Variants in CYFIP1 observed in about 807,000 individuals in gnomAD.
CYFIP1 encodes the protein cytoplasmic FMR1 interacting protein 1.
Under a neutral mutation model 163.5 loss-of-function variants are expected in CYFIP1, and 58 were observed. That is an observed-to-expected ratio of 0.35 (90% CI 0.29 to 0.44). The LOEUF (loss-of-function observed/expected upper bound fraction) is 0.44, where lower values mean the gene tolerates loss of function less well. Among genes scored for constraint, CYFIP1 ranks in the 20% least tolerant of loss-of-function variants. CYFIP1 has a pLI of 1.00. For synonymous variants in CYFIP1, 663 were observed against 660.7 expected, an observed-to-expected ratio of 1.00 and a Z score of -0.05; for missense variants, 1,338 against 1,653.8, an observed-to-expected ratio of 0.81 and a Z score of 3.31.
At chr15:22,949,979 A>G (rs961666016) in intron 1 of CYFIP1, among the ~76,000 whole-genome samples, 2 of 152,168 alleles carry the variant, frequency 1.3e-5, no homozygotes, top group African/African-American at 4.8e-5. Context: ...AAAAAGAAAA[A>G]TTAACATACT....
intron 1 of CYFIP1, among the ~76,000 whole-genome samples, chr15:22,955,998 G>A (rs1215470911): frequency 6.6e-6 from 1 of 152,154 alleles, no homozygotes; most frequent in Non-Finnish European, 1.5e-5. Flanking sequence ...CTTGAGGTCA[G>A]GAGTTTGAGA....
At chr15:22,977,017 C>T (rs549506104) in intron 1 of CYFIP1, among the ~76,000 whole-genome samples, 2 of 152,098 alleles carry the variant, frequency 1.3e-5, no homozygotes, top group Admixed American at 6.5e-5. Flanking sequence ...CTGACCAACA[C>T]GGAGAAACCC....
At chr15:22,942,888 T>C (rs1030550116) in intron 6 of CYFIP1, among the ~76,000 whole-genome samples, 1 of 152,196 alleles carries the variant, frequency 6.6e-6, no homozygotes, top group African/African-American at 2.4e-5. Context: ...ATCTTGTGCA[T>C]GTCTGTCTTC....
intron 23 of CYFIP1, among the ~76,000 whole-genome samples, chr15:22,886,229 G>A (rs1595517231): frequency 6.6e-6 from 1 of 152,236 alleles, no homozygotes; most frequent in Non-Finnish European, 1.5e-5. Flanking sequence ...TGGGGGTTAT[G>A]AGGATTACAA....
In CYFIP1 at chr15:22,932,220, C is replaced by T; in HGVS notation, c.1110+3G>A. The T allele has an allele frequency of 6.2e-7, 1 of 1,607,944 alleles. No individual in the cohort carries two copies. Among genetic ancestry groups the T allele is most frequent in the Non-Finnish European group, 8.5e-7 (1 of 1,176,688 alleles). ...CTGTGCAGCTCCAGGTCGCGGGGCGCACCTCGCTGTTGCTGTAGCGCGCCA... is the reference window on the plus strand; with the variant it reads ...CTGTGCAGCTCCAGGTCGCGGGGCGTACCTCGCTGTTGCTGTAGCGCGCCA... On this transcript the variant is annotated splice_donor_region_variant and intron_variant, in intron 11 of 30. Transcript: ENST00000617928.
chr15:22,934,885 G>A (rs1023685791), intron 9 of CYFIP1, among the ~76,000 whole-genome samples: 1 of 151,844 alleles, frequency 6.6e-6, no homozygotes, highest in African/African-American at 2.4e-5. Flanking sequence ...AAATGCATCA[G>A]TAAATCTAAC....
At chr15:22,952,779 G>C (rs2062302523) in intron 1 of CYFIP1, among the ~76,000 whole-genome samples, 1 of 148,060 alleles carries the variant, frequency 6.8e-6, no homozygotes, top group Non-Finnish European at 1.5e-5. Context: ...AAAGGAAAAA[G>C]AAAACCTATC....
chr15:22,892,499 C>T (rs1021026442), intron 23 of CYFIP1, among the ~76,000 whole-genome samples: 1 of 152,144 alleles, frequency 6.6e-6, no homozygotes, highest in Admixed American at 6.5e-5. Flanking sequence ...TTACAGCCAC[C>T]CTGGGCCTCC....
At chr15:22,930,206 A>C (rs1265557812) in intron 11 of CYFIP1, among the ~76,000 whole-genome samples, 5 of 150,256 alleles carry the variant, frequency 3.3e-5, no homozygotes, top group Non-Finnish European at 7.4e-5. Flanking sequence ...CACAAAAAAC[A>C]CACACAAAAA....
At chr15:22,880,085 G>C in intron 25 of CYFIP1, 42 bp from the exon 26 acceptor site, 1 of 1,611,118 alleles carries the variant, frequency 6.2e-7, no homozygotes, top group Non-Finnish European at 8.5e-7. Flanking sequence ...GACTGGAGGG[G>C]GCCGGGCCCT....
At chr15:22,926,235 C>T (rs1181409115) in intron 12 of CYFIP1, 128 bp from the exon 13 acceptor site, 1 of 1,342,420 alleles carries the variant, frequency 7.4e-7, no homozygotes, top group East Asian at 2.3e-5. Flanking sequence ...GAAAGTCACA[C>T]ATGAGGGCGC....
intron 24 of CYFIP1, among the ~76,000 whole-genome samples, chr15:22,882,312 T>C (rs1465026219): frequency 6.6e-6 from 1 of 152,208 alleles, no homozygotes; most frequent in African/African-American, 2.4e-5. Flanking sequence ...CAGGCTCAGC[T>C]GTGGTGAGGT....
rs143543469 is a variant in CYFIP1 at position 22,957,552 on chromosome 15, C to T, written c.-6-10261G>A. Among the ~76,000 whole-genome samples the T allele has an allele frequency of 5.4e-3, 818 of 152,266 alleles. 40 individuals carry two copies. In the East Asian group the frequency reaches 0.12, roughly 23 times the overall value. On this transcript the variant is annotated intron_variant, in intron 1 of 30. Transcript: ENST00000617928. ...TAGGGAGGCTGAGGCAGGAGAATGG[C>T]GTGAACCCAGGAGGCGGAGCTTGCA... is the stretch of plus-strand genomic sequence containing the variant.
intron 21 of CYFIP1, 169 bp from the exon 22 acceptor site, chr15:22,904,074 C>G (rs2142016546): frequency 1.6e-6 from 1 of 644,272 alleles, no homozygotes; most frequent in Non-Finnish European, 2.7e-6. Context: ...TCTTGGCACC[C>G]CACCTTTTCA....
chr15:22,928,252 G>A (rs938176295), intron 11 of CYFIP1, among the ~76,000 whole-genome samples: 5 of 152,110 alleles, frequency 3.3e-5, no homozygotes, highest in Admixed American at 6.5e-5. Context: ...GCATGGTGGC[G>A]GGCACCTGTA....
chr15:22,872,266 G>C (rs1354795320), intron 30 of CYFIP1, among the ~76,000 whole-genome samples: 3 of 141,744 alleles, frequency 2.1e-5, no homozygotes, highest in African/African-American at 2.6e-5. Context: ...TTGCACCCCA[G>C]CCTGAGCAAC....
chr15:22,907,083 C>A (rs1215900225), intron 21 of CYFIP1, among the ~76,000 whole-genome samples: 1 of 152,188 alleles, frequency 6.6e-6, no homozygotes, highest in Admixed American at 6.5e-5. Flanking sequence ...CTAACCCTTA[C>A]CAGCTTACAT....
chr15:22,927,918 G>C lies in CYFIP1; in HGVS notation c.1221C>G (p.His407Gln). Residue 407 changes from histidine to glutamine, a missense_variant, in exon 12 of 31, where the codon CAC becomes CAG. Physicochemically the swap from His to Gln is conservative, Grantham distance 24 (BLOSUM62 0). Coordinates refer to ENST00000617928, the MANE Select transcript of CYFIP1 (RefSeq NM_014608.6). ...GLQLLSQWSA[H>Q]VMEVYSWKLV... ...GGACGGGGCCTACCACTTCCATCAC[G>C]TGCGCGCTCCACTGCGACAACAGCT... 2.5e-6 allele frequency: 4 copies of C among 1,606,094 alleles called. No homozygotes were observed. The highest frequency in any genetic ancestry group is 3.4e-6 in the Non-Finnish European group (4 of 1,177,976).
chr15:22,918,251 G>A (rs890514747), intron 14 of CYFIP1, among the ~76,000 whole-genome samples: 3 of 152,180 alleles, frequency 2.0e-5, no homozygotes, highest in South Asian at 2.1e-4. Flanking sequence ...GCCTCCGCAC[G>A]GAGCAGAGCT....
Sources: gnomAD v4.1 joint callset for allele counts (sites outside exome capture counted in the v4.1 genomes callset) on GRCh38, gnomAD v4.1.1 for gene constraint, MANE v1.5 for transcripts, NCBI Gene and HGNC (gene_info 2026-07-23, HGNC 2026-07-21) for gene names.